The following PDE4B variants were observed in gnomAD, a reference collection of about 807,000 sequenced individuals.
PDE4B encodes the protein phosphodiesterase 4B.
A neutral mutation model predicts 82.2 loss-of-function variants in PDE4B; 20 were observed. The ratio of observed to expected loss-of-function variants is 0.24; its 90% confidence interval spans 0.17 to 0.35. The LOEUF (loss-of-function observed/expected upper bound fraction) is 0.35, where lower values mean the gene tolerates loss of function less well. Among genes scored for constraint, PDE4B ranks in the 10% least tolerant of loss-of-function variants. The probability of loss-of-function intolerance (pLI) is 1.00; values close to 1 mark genes in which losing one functional copy is unlikely to be tolerated. For synonymous variants in PDE4B, 320 were observed against 318.9 expected (o/e 1.00, Z -0.04); for missense variants, 655 against 907.2 (o/e 0.72, Z 3.57).
intron 6 of PDE4B, among the ~76,000 whole-genome samples, chr1:66,265,305 C>T (rs1654952627): frequency 6.6e-6 from 1 of 152,026 alleles, no homozygotes; most frequent in Admixed American, 6.6e-5. Flanking sequence ...ACAGGAGAGT[C>T]TGGTAGAAGT....
chr1:66,115,912 A>G (rs1645585130), intron 3 of PDE4B, among the ~76,000 whole-genome samples: 1 of 152,174 alleles, frequency 6.6e-6, no homozygotes. Context: ...ATGACTTTGT[A>G]CGTAATCCTC....
At chr1:65,868,913 A>G (rs1242832431) in intron 1 of PDE4B, among the ~76,000 whole-genome samples, 1 of 152,124 alleles carries the variant, frequency 6.6e-6, no homozygotes, top group Non-Finnish European at 1.5e-5. Flanking sequence ...TTCATCCTGA[A>G]ACCACCTCCC....
At chr1:66,198,842 T>G (rs1272126238) in intron 3 of PDE4B, among the ~76,000 whole-genome samples, 2 of 151,612 alleles carry the variant, frequency 1.3e-5, no homozygotes, top group African/African-American at 4.9e-5. Context: ...TTCCCACCTA[T>G]GAGTGAGAAC....
intron 3 of PDE4B, among the ~76,000 whole-genome samples, chr1:66,105,233 A>C: frequency 6.8e-6 from 1 of 146,080 alleles, no homozygotes; most frequent in Non-Finnish European, 1.5e-5. Context: ...CATGTTTGTC[A>C]AAGATCAGAT....
chr1:66,008,279 G>C (rs1652265064), intron 3 of PDE4B, among the ~76,000 whole-genome samples: 1 of 152,146 alleles, frequency 6.6e-6, no homozygotes, highest in South Asian at 2.1e-4. Context: ...ACGATGGGCT[G>C]AATGTCCAGG....
At position 65,847,694 on chromosome 1, in the gene PDE4B, G is replaced by T. The variant is rs144020188; in HGVS notation, c.-71+54446G>T. On this transcript the variant is annotated intron_variant, in intron 1 of 16. Transcript: ENST00000341517. ...CATTGTCACTCCTACCTTCATGTAA[G>T]TGTTGAACACATAGAGAACTAAGAA... is the stretch of plus-strand genomic sequence containing the variant. Among the ~76,000 whole-genome samples, 618 of 152,298 alleles carry T rather than the reference G, an allele frequency of 4.1e-3. 4 individuals carry two copies. The highest frequency in any genetic ancestry group is 0.014 in the African/African-American group (568 of 41,576).
At position 66,259,133 on chromosome 1, in the gene PDE4B, C is replaced by CATTT. The variant is rs566636171; in HGVS notation, c.584+1285_584+1288dup. 4.7e-3 allele frequency among the ~76,000 whole-genome samples: 711 copies of CATTT among 152,226 alleles called. 2 individuals are homozygous for CATTT. The highest frequency in any genetic ancestry group is 7.5e-3 in the Admixed American group (115 of 15,266). ...TCTCAGCCTCTTTTGGGTAGAACTC[C>CATTT]ATTTATTTATTTATTTATGTATTTA... On this transcript the variant is annotated intron_variant, in intron 6 of 16. Transcript: ENST00000341517.
chr1:66,004,939 G>T (rs182093179), intron 3 of PDE4B, among the ~76,000 whole-genome samples: 128 of 151,986 alleles, frequency 8.4e-4, no homozygotes, highest in Non-Finnish European at 1.5e-3. Flanking sequence ...CAATATCACT[G>T]ATTTCTCTAC....
intron 1 of PDE4B, among the ~76,000 whole-genome samples, chr1:65,903,291 A>G (rs1173324158): frequency 6.6e-6 from 1 of 152,150 alleles, no homozygotes; most frequent in East Asian, 1.9e-4. Flanking sequence ...TATCAAATGT[A>G]TTAGGTGCTT....
At chr1:66,248,749 CA>C (rs1653521764) in intron 4 of PDE4B, among the ~76,000 whole-genome samples, 1 of 152,182 alleles carries the variant, frequency 6.6e-6, no homozygotes, top group Admixed American at 6.5e-5. Flanking sequence ...TGCATGCTGT[CA>C]GGGAGGTTAC....
intron 3 of PDE4B, among the ~76,000 whole-genome samples, chr1:65,973,638 T>G (rs1650261069): frequency 6.6e-6 from 1 of 152,126 alleles, no homozygotes; most frequent in Non-Finnish European, 1.5e-5. Flanking sequence ...TGCAGGAAGG[T>G]ATTGTGGGAA....
chr1:66,362,030 G>A (rs1662819363), intron 10 of PDE4B, among the ~76,000 whole-genome samples: 1 of 152,076 alleles, frequency 6.6e-6, no homozygotes, highest in Non-Finnish European at 1.5e-5. Flanking sequence ...CTCTTATGCT[G>A]GGTAGCCATT....
At chr1:66,270,441 G>C (rs994177927) in intron 7 of PDE4B, among the ~76,000 whole-genome samples, 1 of 152,080 alleles carries the variant, frequency 6.6e-6, no homozygotes, top group African/African-American at 2.4e-5. Flanking sequence ...TGGACAAGAG[G>C]GTCAGTGAGT....
chr1:66,249,026 G>A (rs1653547435), intron 4 of PDE4B, among the ~76,000 whole-genome samples: 1 of 152,108 alleles, frequency 6.6e-6, no homozygotes. Flanking sequence ...AAAAACTTTT[G>A]GAATCTTTCC....
chr1:66,044,746 T>G (rs1449945887), intron 3 of PDE4B, among the ~76,000 whole-genome samples: 1 of 151,786 alleles, frequency 6.6e-6, no homozygotes, highest in Non-Finnish European at 1.5e-5. Flanking sequence ...AAAAAGAATT[T>G]ATTTTTAGAA....
At chr1:66,186,746 G>A in intron 3 of PDE4B, among the ~76,000 whole-genome samples, 1 of 152,042 alleles carries the variant, frequency 6.6e-6, no homozygotes, top group Non-Finnish European at 1.5e-5. Context: ...GAGACCATGG[G>A]GTTTTCTAGA....
intron 7 of PDE4B, among the ~76,000 whole-genome samples, chr1:66,305,019 T>C (rs1233494448): frequency 1.3e-5 from 2 of 152,122 alleles, no homozygotes; most frequent in African/African-American, 2.4e-5. Context: ...GTGAATGCCC[T>C]TCTCTCAGAA....
At chr1:66,223,187 G>A (rs1651141824) in intron 3 of PDE4B, among the ~76,000 whole-genome samples, 1 of 152,040 alleles carries the variant, frequency 6.6e-6, no homozygotes, top group Non-Finnish European at 1.5e-5. Context: ...AAATAATATA[G>A]TTTCAGGTAG....
At chr1:66,350,618 T>C (rs1257428603) in intron 8 of PDE4B, among the ~76,000 whole-genome samples, 3 of 152,104 alleles carry the variant, frequency 2.0e-5, no homozygotes, top group African/African-American at 7.2e-5. Flanking sequence ...TGTTTTATTC[T>C]CAAAAACATA....
Sources: allele counts gnomAD v4.1 joint callset (sites outside exome capture counted in the v4.1 genomes callset), GRCh38; gene constraint gnomAD v4.1.1; transcripts MANE v1.5; gene names NCBI Gene and HGNC (gene_info 2026-07-23, HGNC 2026-07-21).